The following TEAD4 variants were observed in gnomAD, a reference collection of about 807,000 sequenced individuals.
The protein encoded by TEAD4 is TEA domain transcription factor 4.
In TEAD4, 36 loss-of-function variants were observed where a neutral mutation model predicts 52.4. The ratio of observed to expected loss-of-function variants is 0.69; its 90% CI spans 0.53 to 0.91. TEAD4 has a LOEUF of 0.91. Ranked by LOEUF, TEAD4 falls within the 40% of genes least tolerant of loss-of-function variation. The pLI is 0.00. For missense variants in TEAD4, 508 were observed against 583.9 expected, an observed-to-expected ratio of 0.87 and a Z score of 1.34; for synonymous variants, 220 against 231.0, an observed-to-expected ratio of 0.95 and a Z score of 0.43.
intron 2 of TEAD4, among the ~76,000 whole-genome samples, chr12:2,988,737 A>G (rs2098240721): frequency 1.3e-5 from 2 of 152,082 alleles, no homozygotes; most frequent in African/African-American, 4.8e-5. Flanking sequence ...GGGAGGCAAG[A>G]GGGGCTGAAG....
chr12:2,995,942 A>AG (rs2098246765), intron 3 of TEAD4, among the ~76,000 whole-genome samples: 1 of 151,768 alleles, frequency 6.6e-6, no homozygotes, highest in Admixed American at 6.6e-5. Flanking sequence ...CAAGAGGTCA[A>AG]GGCTGCATTG....
chr12:3,016,914 G>C, intron 5 of TEAD4: 1 of 340,726 alleles, frequency 2.9e-6, no homozygotes, highest in South Asian at 2.3e-5. Flanking sequence ...GGTGCCTACA[G>C]TGCCCAGGGA....
intron 10 of TEAD4, among the ~76,000 whole-genome samples, chr12:3,026,854 C>T (rs1407321576): frequency 1.3e-5 from 2 of 152,180 alleles, no homozygotes; most frequent in East Asian, 1.9e-4. Context: ...TATTTAATTT[C>T]GGCTCTGACA....
chr12:3,017,291 C>G, intron 5 of TEAD4, 107 bp from the exon 6 acceptor site: 13 of 1,474,952 alleles, frequency 8.8e-6, no homozygotes, highest in Non-Finnish European at 1.2e-5. Flanking sequence ...TCCCCCAGCT[C>G]TGGCCACTGG....
rs2098273430 is a variant in TEAD4, at chr12:3,028,508, G to A, written c.897+6491G>A. 2.0e-5 allele frequency among the ~76,000 whole-genome samples: 3 copies of A among 152,194 alleles called. No homozygotes were observed. In the South Asian group the frequency reaches 6.2e-4, roughly 31 times the overall value. On this transcript the variant is annotated intron_variant, in intron 10 of 12. Coordinates refer to ENST00000359864, the MANE Select transcript of TEAD4 (RefSeq NM_003213.4). The stretch of plus-strand genomic sequence containing the variant: ...TTGTAGCCATCCTAGCAAATGTGAA[G>A]TGGTATCTCATTGTGGTTTTTATCT...
chr12:2,972,543 A>T (rs1591555787), intron 2 of TEAD4, among the ~76,000 whole-genome samples: 1 of 106,108 alleles, frequency 9.4e-6, no homozygotes, highest in East Asian at 3.1e-4. Context: ...TTTGTTGCCC[A>T]GGCTGGAGTG....
chr12:3,032,852 G>C (rs1230901175), intron 10 of TEAD4, among the ~76,000 whole-genome samples: 1 of 152,218 alleles, frequency 6.6e-6, no homozygotes, highest in Non-Finnish European at 1.5e-5. Flanking sequence ...GACGGGGAAA[G>C]GTACATATTC....
intron 10 of TEAD4, among the ~76,000 whole-genome samples, chr12:3,026,603 G>C (rs978608256): frequency 6.6e-6 from 1 of 152,222 alleles, no homozygotes; most frequent in African/African-American, 2.4e-5. Context: ...TAGTTGTGTG[G>C]CTGCATCTTG....
At chr12:2,978,623 C>T (rs540379989) in intron 2 of TEAD4, among the ~76,000 whole-genome samples, 62 of 151,908 alleles carry the variant, frequency 4.1e-4, no homozygotes, top group Non-Finnish European at 7.6e-4. Flanking sequence ...AGGCTGGTCT[C>T]GAACTCCTGA....
At chr12:2,986,409 G>A (rs1191434070) in intron 2 of TEAD4, among the ~76,000 whole-genome samples, 2 of 151,928 alleles carry the variant, frequency 1.3e-5, no homozygotes, top group East Asian at 1.9e-4. Flanking sequence ...AGGTTGAGAC[G>A]GGCCAATCAC....
At chr12:3,007,866 C>T (rs750504477) in intron 3 of TEAD4, among the ~76,000 whole-genome samples, 1 of 152,224 alleles carries the variant, frequency 6.6e-6, no homozygotes, top group Admixed American at 6.5e-5. Context: ...AGAGTTACGT[C>T]GGACTAATCA....
chr12:3,034,282 C>T (rs965695180), intron 10 of TEAD4, among the ~76,000 whole-genome samples: 1 of 152,090 alleles, frequency 6.6e-6, no homozygotes, highest in Non-Finnish European at 1.5e-5. Flanking sequence ...TCAGGGTGAG[C>T]AGGACAGGGT....
chr12:2,996,855 A>G (rs1307199583), intron 3 of TEAD4, among the ~76,000 whole-genome samples: 2 of 152,122 alleles, frequency 1.3e-5, no homozygotes, highest in Non-Finnish European at 2.9e-5. Context: ...AGTTGGGTCT[A>G]CAGGCGTGCG....
At chr12:2,972,188 C>T (rs1271041165) in intron 2 of TEAD4, among the ~76,000 whole-genome samples, 1 of 152,144 alleles carries the variant, frequency 6.6e-6, no homozygotes, top group Non-Finnish European at 1.5e-5. Flanking sequence ...AAGCAATCCT[C>T]CTGCCTCAGC....
chr12:2,998,422 T>C (rs1460142915), intron 3 of TEAD4, among the ~76,000 whole-genome samples: 2 of 151,334 alleles, frequency 1.3e-5, no homozygotes, highest in African/African-American at 4.9e-5. Context: ...GGGAAGCCAC[T>C]GACTCAGGGA....
In TEAD4 at chr12:3,020,700, G is replaced by A. The variant is rs151141907; in HGVS notation, c.650G>A (p.Arg217His). ...CCCCCGGCACCCCCATGGCAGGGCC[G>A]CAGCGTGGCCAGCTCCAAGCTCTGG... The change falls in exon 9 of 13, where the codon CGC (arginine) becomes CAC (histidine). Residue 217 changes from arginine (R) to histidine (H), a missense_variant. Transcript: ENST00000359864. The A allele has an allele frequency of 7.5e-6, 12 of 1,608,460 alleles. No homozygotes were observed. The highest frequency in any genetic ancestry group is 5.4e-5 in the African/African-American group (4 of 74,766).
At chr12:3,021,633 A>T (rs990405971) in intron 9 of TEAD4, among the ~76,000 whole-genome samples, 1 of 152,208 alleles carries the variant, frequency 6.6e-6, no homozygotes, top group African/African-American at 2.4e-5. Context: ...TAGCTGAGGA[A>T]CCCATGAACC....
chr12:3,026,425 C>T (rs1018487864), intron 10 of TEAD4, among the ~76,000 whole-genome samples: 5 of 152,222 alleles, frequency 3.3e-5, no homozygotes, highest in Non-Finnish European at 7.3e-5. Flanking sequence ...TGGCCCAGTG[C>T]TCCTGACATC....
At chr12:2,999,514 C>T (rs1417825981) in intron 3 of TEAD4, among the ~76,000 whole-genome samples, 1 of 152,252 alleles carries the variant, frequency 6.6e-6, no homozygotes, top group African/African-American at 2.4e-5. Flanking sequence ...TGCAAAGCAG[C>T]ACGGCAGATT....
Sources: gnomAD v4.1 joint callset for allele counts (sites outside exome capture counted in the v4.1 genomes callset) on GRCh38, gnomAD v4.1.1 for gene constraint, MANE v1.5 for transcripts, NCBI Gene and HGNC (gene_info 2026-07-23, HGNC 2026-07-21) for gene names.